Variants in FAT3 observed in about 807,000 individuals in gnomAD.
The protein encoded by FAT3 is protocadherin Fat 3.
FAT3 carries 95 observed loss-of-function variants against 310.2 expected under a neutral mutation model. The ratio of observed to expected loss-of-function variants is 0.31; its 90% CI spans 0.26 to 0.36. The LOEUF is 0.36. Ranked by LOEUF, FAT3 falls within the 10% of genes least tolerant of loss-of-function variation. The pLI, the probability that FAT3 is intolerant of heterozygous loss-of-function variation, is 1.00. For missense variants in FAT3, 5,408 were observed against 5,715.6 expected, an observed-to-expected ratio of 0.95 and a Z score of 1.74; for synonymous variants, 2,314 against 2,192.9, an observed-to-expected ratio of 1.06 and a Z score of -1.54.
intron 2 of FAT3, among the ~76,000 whole-genome samples, chr11:92,474,732 A>G (rs1291525519): frequency 6.6e-6 from 1 of 152,160 alleles, no homozygotes; most frequent in Non-Finnish European, 1.5e-5. Context: ...GTTACCAAGT[A>G]AAGAGGTGAA....
chr11:92,702,634 A>T (rs1464312731), intron 4 of FAT3, among the ~76,000 whole-genome samples: 1 of 152,094 alleles, frequency 6.6e-6, no homozygotes, highest in Admixed American at 6.6e-5. Context: ...CTTTTCCTGG[A>T]CTGGCTCCAG....
In FAT3 at chr11:92,457,910, A is replaced by G. The variant is rs567302504; in HGVS notation, c.3293-66724A>G. ...GCACTCCAGCCTGGGCTACAAAGCGAGACTCCATCTCAAAAAACAAAATAA... is the reference window on the plus strand; with the variant it reads ...GCACTCCAGCCTGGGCTACAAAGCGGGACTCCATCTCAAAAAACAAAATAA... On this transcript the variant is annotated intron_variant, in intron 2 of 27. Transcript: ENST00000525166. Among the ~76,000 whole-genome samples, 7 of 152,356 alleles carry G rather than the reference A, an allele frequency of 4.6e-5. No homozygotes were observed. The East Asian group carries it at 1.2e-3, about 25-fold the overall frequency.
intron 6 of FAT3, among the ~76,000 whole-genome samples, chr11:92,771,869 C>T (rs1173377803): frequency 6.6e-6 from 1 of 151,896 alleles, no homozygotes; most frequent in Non-Finnish European, 1.5e-5. Flanking sequence ...TACCACTAAG[C>T]ACGTGCGATG....
intron 14 of FAT3, 64 bp from the exon 15 acceptor site, chr11:92,834,806 T>C: frequency 7.5e-7 from 1 of 1,338,658 alleles, no homozygotes; most frequent in Non-Finnish European, 1.0e-6. Flanking sequence ...ATTACCATGA[T>C]TATAGAATTG....
chr11:92,548,932 G>T (rs529962650), intron 3 of FAT3, among the ~76,000 whole-genome samples: 1 of 152,182 alleles, frequency 6.6e-6, no homozygotes, highest in Non-Finnish European at 1.5e-5. Context: ...TTGGCCAACA[G>T]TGTCAACCAT....
At chr11:92,748,363 A>T (rs991379667) in intron 4 of FAT3, among the ~76,000 whole-genome samples, 3 of 152,104 alleles carry the variant, frequency 2.0e-5, no homozygotes, top group African/African-American at 4.8e-5. Context: ...ACATGTGGGG[A>T]TTATTACAAT....
At chr11:92,314,352 A>C in intron 1 of FAT3, 1 of 925,950 alleles carries the variant, frequency 1.1e-6, no homozygotes, top group Non-Finnish European at 1.3e-6. Context: ...TAATTTTTAC[A>C]TTTGTAAAAA....
chr11:92,313,708 C>T (rs1400358123), intron 1 of FAT3, among the ~76,000 whole-genome samples: 4 of 152,102 alleles, frequency 2.6e-5, no homozygotes, highest in South Asian at 2.1e-4. Flanking sequence ...TACAGGCATG[C>T]GCCAACATGC....
intron 3 of FAT3, among the ~76,000 whole-genome samples, chr11:92,592,543 A>G (rs1199993867): frequency 6.6e-6 from 1 of 151,974 alleles, no homozygotes; most frequent in Non-Finnish European, 1.5e-5. Flanking sequence ...GCTGGTCTCA[A>G]ATTCCTGACC....
chr11:92,464,091 G>A (rs1182229511), intron 2 of FAT3, among the ~76,000 whole-genome samples: 2 of 152,166 alleles, frequency 1.3e-5, no homozygotes, highest in Non-Finnish European at 2.9e-5. Flanking sequence ...ACACCTTGAG[G>A]TTTGCAGCCA....
intron 2 of FAT3, among the ~76,000 whole-genome samples, chr11:92,382,525 G>A (rs1455018661): frequency 6.6e-6 from 1 of 152,100 alleles, no homozygotes; most frequent in African/African-American, 2.4e-5. Flanking sequence ...TCGTAAGAGG[G>A]ACCCCTAAAG....
intron 1 of FAT3, among the ~76,000 whole-genome samples, chr11:92,246,563 A>G (rs1258231966): frequency 6.6e-6 from 1 of 152,042 alleles, no homozygotes; most frequent in Non-Finnish European, 1.5e-5. Flanking sequence ...GGAGGAGGAG[A>G]AGAAGGAAGA....
intron 3 of FAT3, among the ~76,000 whole-genome samples, chr11:92,688,957 GGTGGGA>G: frequency 6.6e-6 from 1 of 152,238 alleles, no homozygotes; most frequent in Admixed American, 6.5e-5. Flanking sequence ...CAAATATTTA[GGTGGGA>G]AGGAAGCAAA....
At chr11:92,368,600 T>G (rs1448776824) in intron 2 of FAT3, among the ~76,000 whole-genome samples, 1 of 152,052 alleles carries the variant, frequency 6.6e-6, no homozygotes, top group Admixed American at 6.6e-5. Flanking sequence ...GTCTAATCAT[T>G]TGGTAGTTTT....
chr11:92,430,682 C>A (rs1346573328), intron 2 of FAT3, among the ~76,000 whole-genome samples: 2 of 152,000 alleles, frequency 1.3e-5, no homozygotes, highest in African/African-American at 4.8e-5. Context: ...TACAACAGGC[C>A]CTGGTGTGTG....
intron 3 of FAT3, among the ~76,000 whole-genome samples, chr11:92,666,861 C>A (rs1942970968): frequency 6.6e-6 from 1 of 152,110 alleles, no homozygotes; most frequent in Admixed American, 6.5e-5. Flanking sequence ...TATCCTGGAC[C>A]AGCCTGAGCA....
chr11:92,229,572 C>G (rs1351302504), intron 1 of FAT3, among the ~76,000 whole-genome samples: 1 of 127,726 alleles, frequency 7.8e-6, no homozygotes. Flanking sequence ...TCAGGAAAGA[C>G]TGCCTTTCCT....
rs368302444 is a variant in FAT3 at position 92,590,025 on chromosome 11, C to G, written c.3607+65077C>G. 6.6e-5 allele frequency among the ~76,000 whole-genome samples: 10 copies of G among 152,090 alleles called. No individual in the cohort carries two copies. In the East Asian group the frequency reaches 9.7e-4, roughly 15 times the overall value. ...AAATTTCTCTCCTTATAGAACTTCA[C>G]CTTTTTCCTCACTGTATTCTTTTGG... On this transcript the variant is annotated intron_variant, in intron 3 of 27. Transcript: ENST00000525166.
chr11:92,707,442 G>A (rs1565529162), intron 4 of FAT3, among the ~76,000 whole-genome samples: 1 of 152,206 alleles, frequency 6.6e-6, no homozygotes, highest in Non-Finnish European at 1.5e-5. Context: ...TCTGAGCCAA[G>A]CAGCTGTAAT....
Sources: allele counts gnomAD v4.1 joint callset (sites outside exome capture counted in the v4.1 genomes callset), GRCh38; gene constraint gnomAD v4.1.1; transcripts MANE v1.5; gene names NCBI Gene and HGNC (gene_info 2026-07-23, HGNC 2026-07-21).